Variants in TBC1D32 observed in about 807,000 individuals in gnomAD.
TBC1D32 encodes the protein TBC1 domain family member 32, also known as protein broad-minded.
A neutral mutation model predicts 170.3 loss-of-function variants in TBC1D32; 151 were observed. That is an observed-to-expected ratio of 0.89 (90% CI 0.78 to 1.01). The LOEUF (loss-of-function observed/expected upper bound fraction) is 1.01. TBC1D32 is among the 50% of genes least tolerant of loss of function. TBC1D32 has a pLI of 0.00. For missense variants in TBC1D32, 1,464 were observed against 1,457.1 expected, an observed-to-expected ratio of 1.00 and a Z score of -0.08; for synonymous variants, 498 against 488.0, an observed-to-expected ratio of 1.02 and a Z score of -0.27.
At chr6:121,275,649 G>T (rs1802110767) in intron 15 of TBC1D32, among the ~76,000 whole-genome samples, 1 of 152,134 alleles carries the variant, frequency 6.6e-6, no homozygotes, top group Non-Finnish European at 1.5e-5. Flanking sequence ...ACTTCCCATA[G>T]ACTGCTGGCA....
intron 22 of TBC1D32, among the ~76,000 whole-genome samples, chr6:121,188,201 A>G (rs576554187): frequency 6.6e-6 from 1 of 152,190 alleles, no homozygotes; most frequent in Non-Finnish European, 1.5e-5. Flanking sequence ...ATATAAAACC[A>G]ATACAAATAC....
intron 20 of TBC1D32, among the ~76,000 whole-genome samples, chr6:121,232,849 G>A (rs538224985): frequency 6.6e-6 from 1 of 152,112 alleles, no homozygotes; most frequent in South Asian, 2.1e-4. Flanking sequence ...TTTGATGTAG[G>A]CATTTAATGC....
At chr6:121,149,006 A>G (rs963901098) in intron 24 of TBC1D32, among the ~76,000 whole-genome samples, 5 of 152,024 alleles carry the variant, frequency 3.3e-5, no homozygotes, top group East Asian at 3.9e-4. Context: ...TCTAATGGCC[A>G]GTGATGATGA....
At chr6:121,240,176 C>T (rs1796768798) in intron 19 of TBC1D32, among the ~76,000 whole-genome samples, 1 of 152,050 alleles carries the variant, frequency 6.6e-6, no homozygotes, top group Non-Finnish European at 1.5e-5. Flanking sequence ...TTGAAAACTA[C>T]ACTTACCCCT....
rs1802644776 is a variant in TBC1D32, at chr6:121,279,135, G to A, written c.1719C>T (p.Asn573=). The change falls in exon 15 of 32, where the codon AAC becomes AAT. Residue 573 remains asparagine, a synonymous_variant. Coordinates refer to ENST00000398212, the MANE Select transcript of TBC1D32 (RefSeq NM_152730.6). ...LILLLYGANM[N]SSEESPTGAH... ...ATAGCACATACCTTTCTTCAGAAGA[G>A]TTCATATTTGCTCCATAAAGGAGTA... The A allele has an allele frequency of 6.2e-7, 1 of 1,602,376 alleles. No individual in the cohort carries two copies. The highest frequency in any genetic ancestry group is 1.3e-5 in the African/African-American group (1 of 74,148).
rs111858393 is a variant in TBC1D32 at position 121,192,131 on chromosome 6, G to A, written c.2570+12944C>T. 3.1e-3 allele frequency among the ~76,000 whole-genome samples: 464 copies of A among 147,988 alleles called. 5 individuals carry two copies. The highest frequency in any genetic ancestry group is 0.011 in the African/African-American group (450 of 40,168). ...GGAACCCTGACTAATACATATTTTG[G>A]TACCAGGAATGGTTCTAAAGGAATA... On this transcript the variant is annotated intron_variant, in intron 22 of 31. Coordinates refer to ENST00000398212, the MANE Select transcript of TBC1D32 (RefSeq NM_152730.6).
intron 21 of TBC1D32, among the ~76,000 whole-genome samples, chr6:121,215,059 G>A (rs779811560): frequency 8.5e-5 from 13 of 152,306 alleles, no homozygotes; most frequent in Non-Finnish European, 8.8e-5. Context: ...CAGCAGAGAG[G>A]AGATGCACAG....
rs113270564 is a variant in TBC1D32, at chr6:121,289,920, T to C, written c.1372+2133A>G. Among the ~76,000 whole-genome samples, 8 of 152,250 alleles carry C rather than the reference T, an allele frequency of 5.3e-5. No homozygotes were observed. The South Asian group carries it at 1.4e-3, about 28-fold the overall frequency. On this transcript the variant is annotated intron_variant, in intron 12 of 31. Transcript: ENST00000398212. ...GGGAAACGATTCCCTATTCAATAAA[T>C]GGTGCTGGGAAAACTGGATAGACAT...
At chr6:121,175,886 T>C (rs150143360) in intron 22 of TBC1D32, among the ~76,000 whole-genome samples, 226 of 152,304 alleles carry the variant, frequency 1.5e-3, no homozygotes, top group African/African-American at 5.3e-3. Context: ...CAAAAGGAGA[T>C]AGAATGTTCA....
chr6:121,246,227 A>G (rs866843299), intron 17 of TBC1D32, among the ~76,000 whole-genome samples: 2 of 152,192 alleles, frequency 1.3e-5, no homozygotes, highest in Non-Finnish European at 2.9e-5. Context: ...CACCAAGTAT[A>G]TAACTACTAC....
chr6:121,087,213 T>G (rs545688737), intron 31 of TBC1D32, among the ~76,000 whole-genome samples: 1 of 152,214 alleles, frequency 6.6e-6, no homozygotes, highest in Non-Finnish European at 1.5e-5. Context: ...AAGGCGTTCA[T>G]CTAATCTTTC....
At chr6:121,230,952 C>A (rs1795664527) in intron 20 of TBC1D32, among the ~76,000 whole-genome samples, 1 of 152,168 alleles carries the variant, frequency 6.6e-6, no homozygotes, top group East Asian at 1.9e-4. Context: ...CAACCCTTTT[C>A]CCTGAGTCCC....
intron 12 of TBC1D32, among the ~76,000 whole-genome samples, chr6:121,287,586 T>C (rs1804079037): frequency 2.0e-5 from 3 of 151,988 alleles, no homozygotes; most frequent in South Asian, 4.1e-4. Context: ...CAACATTAGA[T>C]GGATCAACAA....
chr6:121,191,042 CAT>C (rs56242809), intron 22 of TBC1D32, among the ~76,000 whole-genome samples: 6,425 of 150,540 alleles, frequency 0.043, 302 homozygotes, highest in African/African-American at 0.11. Flanking sequence ...TGTGTGTATG[CAT>C]ATATATATAT....
At chr6:121,265,877 A>G (rs1236888225) in intron 15 of TBC1D32, among the ~76,000 whole-genome samples, 1 of 152,186 alleles carries the variant, frequency 6.6e-6, no homozygotes, top group Non-Finnish European at 1.5e-5. Flanking sequence ...TCATATGCAG[A>G]AAACTGAAAA....
chr6:121,237,214 A>G (rs974222295), intron 20 of TBC1D32, among the ~76,000 whole-genome samples: 1 of 152,026 alleles, frequency 6.6e-6, no homozygotes, highest in Non-Finnish European at 1.5e-5. Context: ...AAGATGCTCT[A>G]CTGCCTCCTG....
intron 26 of TBC1D32, among the ~76,000 whole-genome samples, chr6:121,123,929 T>C (rs1434200900): frequency 6.6e-6 from 1 of 151,914 alleles, no homozygotes; most frequent in Admixed American, 6.6e-5. Context: ...TATTATGATG[T>C]TATTTTAAAA....
At chr6:121,334,507 C>G, upstream of TBC1D32, 2 of 1,474,168 alleles carry the variant, frequency 1.4e-6, no homozygotes, top group African/African-American at 1.4e-5. Context: ...GCACGCGCAC[C>G]CCCACCCAGC....
Position 121,080,892 on chromosome 6 carries a change from T to C in TBC1D32, c.3655-2A>G. The C allele has an allele frequency of 6.2e-7, 1 of 1,602,616 alleles. No homozygotes were observed. The highest frequency in any genetic ancestry group is 8.5e-7 in the Non-Finnish European group (1 of 1,176,990). ...TCGAAACCCATGCAGTGCTTCTTCC[T>C]GCCAAAAATTACAAAGGGAAAATTA... is the stretch of plus-strand genomic sequence containing the variant. On this transcript the variant is annotated splice_acceptor_variant, in intron 31 of 31. Coordinates refer to ENST00000398212, the MANE Select transcript of TBC1D32 (RefSeq NM_152730.6). LOFTEE classifies it high-confidence loss of function.
Sources: allele counts gnomAD v4.1 joint callset (sites outside exome capture counted in the v4.1 genomes callset), GRCh38; gene constraint gnomAD v4.1.1; transcripts MANE v1.5; gene names NCBI Gene and HGNC (gene_info 2026-07-23, HGNC 2026-07-21).